NOL7: variants seen among roughly 807,000 people sequenced by gnomAD.
The protein encoded by NOL7 is nucleolar protein 7.
A neutral mutation model predicts 38.4 loss-of-function variants in NOL7; 36 were observed. The ratio of observed to expected loss-of-function variants is 0.94; its 90% CI spans 0.72 to 1.24. The LOEUF is 1.24. Ranked by LOEUF, NOL7 falls within the 50% of genes most tolerant of loss-of-function variation. The pLI is 0.00. For missense variants in NOL7, 350 were observed against 315.1 expected, an observed-to-expected ratio of 1.11 and a Z score of -0.84; for synonymous variants, 142 against 126.5, an observed-to-expected ratio of 1.12 and a Z score of -0.82.
At position 13,620,219 on chromosome 6, in the gene NOL7, G is replaced by T. The variant is rs750837924; in HGVS notation, c.512G>T (p.Ser171Ile). ...QKVQSVSQNK[S>I]YLAVRLKDQD... ...ATATTGATCAACAGCCAGAATAAAAGCTACTTGGCCGTAAGGCTAAAAGAC... is the reference window on the plus strand; with the variant it reads ...ATATTGATCAACAGCCAGAATAAAATCTACTTGGCCGTAAGGCTAAAAGAC... Residue 171 changes from serine to isoleucine, a missense_variant, in exon 6 of 8, where the codon AGC (serine) becomes ATC (isoleucine). Ser to Ile is a moderately radical substitution (Grantham distance 142). Coordinates refer to ENST00000451315, the MANE Select transcript of NOL7 (RefSeq NM_016167.5). 4.3e-6 allele frequency: 7 copies of T among 1,611,110 alleles called. No homozygotes were observed. The South Asian group carries it at 6.6e-5, about 15-fold the overall frequency.
intron 4 of NOL7, 107 bp downstream of exon 4, chr6:13,617,908 C>T: frequency 8.5e-7 from 1 of 1,181,446 alleles, no homozygotes; most frequent in Non-Finnish European, 1.3e-6. Flanking sequence ...TGGGCCTGGC[C>T]AAGGTTAGCT....
At chr6:13,625,006 CAG>C (rs570575911), downstream of NOL7, among the ~76,000 whole-genome samples, 619 of 152,308 alleles carry the variant, frequency 4.1e-3, 4 homozygotes, top group African/African-American at 0.013. Context: ...AACCAGGTAA[CAG>C]GGGAGGACCA....
At chr6:13,620,690 TAATTAAAAA>T in intron 7 of NOL7, 55 bp from the exon 8 acceptor site, 4 of 1,128,944 alleles carry the variant, frequency 3.5e-6, no homozygotes, top group African/African-American at 1.6e-5. Context: ...TCATATAGAG[TAATTAAAAA>T]AATTTTGAAT....
rs1764450584 is a variant in NOL7 at position 13,621,682 on chromosome 6, T to G, written c.*855T>G. 6.6e-6 allele frequency: 1 copy of G among 152,636 alleles called. No individual in the cohort carries two copies. The highest frequency in any genetic ancestry group is 6.5e-5 in the Admixed American group (1 of 15,284). 9.5% of individuals were successfully genotyped at this position (152,636 alleles called of 1,614,324 possible). ...ACCACACCGTTGACATGTAATACTGTTATAATACAACAGTTAAACTTGTGA... is the reference window on the plus strand; with the variant it reads ...ACCACACCGTTGACATGTAATACTGGTATAATACAACAGTTAAACTTGTGA... On this transcript the variant is annotated 3_prime_UTR_variant, in exon 8 of 8. Coordinates refer to ENST00000451315, the MANE Select transcript of NOL7 (RefSeq NM_016167.5).
chr6:13,622,547 ACATTT>A (rs1256944828), downstream of NOL7: 29 of 1,487,328 alleles, frequency 1.9e-5, no homozygotes, highest in African/African-American at 2.8e-5. Flanking sequence ...ATTTTAAAAA[ACATTT>A]CAATCAGGAG....
chr6:13,616,551 C>CTATA (rs947162593), intron 3 of NOL7, 30 bp downstream of exon 3: 2 of 1,433,912 alleles, frequency 1.4e-6, no homozygotes, highest in African/African-American at 2.8e-5. Context: ...ATATTACTTG[C>CTATA]TTATATACAC....
Position 13,615,609 on chromosome 6 carries a change from G to C in NOL7, c.251G>C (p.Arg84Pro). The C allele has an allele frequency of 6.3e-7, 1 of 1,594,108 alleles. No homozygotes were observed. Among genetic ancestry groups the C allele is most frequent in the Non-Finnish European group, 8.6e-7 (1 of 1,169,082 alleles). The change falls in exon 1 of 8, where the codon CGG becomes CCG. Residue 84 changes from arginine to proline, a missense_variant. By Grantham distance (103) the Arg-to-Pro change is moderately radical. Transcript: ENST00000451315. ...AEAREEERRVRETVRRDKTLL... is the reference protein window; with the variant it reads ...AEAREEERRVPETVRRDKTLL... ...GCGAGAGAAGAGGAGCGGCGAGTGC[G>C]GGAGACCGTGCGCAGGTTCGGAGCC...
chr6:13,620,693 T>C (rs1404653054), intron 7 of NOL7, 61 bp from the exon 8 acceptor site: 3 of 1,170,788 alleles, frequency 2.6e-6, no homozygotes, highest in Non-Finnish European at 3.6e-6. Context: ...TATAGAGTAA[T>C]TAAAAAAATT....
chr6:13,620,709 T>G (rs886439050), intron 7 of NOL7, 45 bp from the exon 8 acceptor site: 1 of 1,341,182 alleles, frequency 7.5e-7, no homozygotes, highest in Non-Finnish European at 1.0e-6. Flanking sequence ...AAATTTTGAA[T>G]TATGTTTTTC....
chr6:13,617,495 C>G (rs1033768257), intron 3 of NOL7, among the ~76,000 whole-genome samples: 4 of 152,242 alleles, frequency 2.6e-5, no homozygotes, highest in African/African-American at 9.6e-5. Flanking sequence ...AAGTGTTTCA[C>G]TTGAACTCCA....
intron 8 of NOL7, among the ~76,000 whole-genome samples, chr6:13,626,804 C>A (rs1392145051): frequency 6.6e-6 from 1 of 152,194 alleles, no homozygotes; most frequent in Non-Finnish European, 1.5e-5. Flanking sequence ...CCAGATTCCA[C>A]ACCCATTTTC....
intron 8 of NOL7, among the ~76,000 whole-genome samples, chr6:13,631,100 G>GC (rs1297494791): frequency 6.6e-6 from 1 of 152,080 alleles, no homozygotes; most frequent in Non-Finnish European, 1.5e-5. Flanking sequence ...GAGCCACCGC[G>GC]CCCGGCCTGA....
downstream of NOL7, among the ~76,000 whole-genome samples, chr6:13,625,448 C>T (rs377279017): frequency 9.2e-5 from 14 of 152,224 alleles, no homozygotes; most frequent in South Asian, 1.9e-3. Context: ...AAGTTGTACC[C>T]CATCTTACTG....
rs566887994 is a variant in NOL7, at chr6:13,621,482, C to T, written c.*655C>T. 6.6e-6 allele frequency: 1 copy of T among 152,540 alleles called. No homozygotes were observed. The highest frequency in any genetic ancestry group is 1.5e-5 in the Non-Finnish European group (1 of 68,020). The allele number at this position is 152,540 out of a possible 1,614,324, so 9.4% of individuals were successfully genotyped here. On this transcript the variant is annotated 3_prime_UTR_variant, in exon 8 of 8. Transcript: ENST00000451315. ...AGTATGCAAGTACCTAATATATAAA[C>T]TCAATTGACACTGTATCTGTAGAAG... is the stretch of plus-strand genomic sequence containing the variant.
downstream of NOL7, chr6:13,622,098 A>G (rs778883743): frequency 3.8e-5 from 9 of 234,844 alleles, no homozygotes; most frequent in Non-Finnish European, 6.4e-5. Context: ...GTTTTAAAGG[A>G]TTTGTGATGA....
Position 13,615,773 on chromosome 6 carries a change from GT to G in NOL7, c.327+3del, listed in dbSNP as rs1185841547. 2.5e-6 allele frequency: 4 copies of G among 1,611,906 alleles called. No homozygotes were observed. Among genetic ancestry groups the G allele is most frequent in the Non-Finnish European group, 3.4e-6 (4 of 1,179,246 alleles). ...CGAGGAGCTGTTCATCGAACAGAAG[GT>G]TAGAGGCTAGGGAGGAGGTGTCTTA... is the stretch of plus-strand genomic sequence containing the variant. On this transcript the variant is annotated splice_donor_variant, in intron 2 of 7. Coordinates refer to ENST00000451315, the MANE Select transcript of NOL7 (RefSeq NM_016167.5). LOFTEE classifies it high-confidence loss of function.
chr6:13,618,494 G>A (rs959019036), intron 5 of NOL7, among the ~76,000 whole-genome samples: 5 of 152,040 alleles, frequency 3.3e-5, no homozygotes, highest in African/African-American at 7.2e-5. Context: ...TGATCCACCC[G>A]CCTCGGCCTC....
rs1764255156 is a variant in NOL7, at chr6:13,615,598, G to T, written c.240G>T (p.Glu80Asp). The change falls in exon 1 of 8, where the codon GAG becomes GAT. Residue 80 changes from glutamate (E) to aspartate (D), a missense_variant. Coordinates refer to ENST00000451315, the MANE Select transcript of NOL7 (RefSeq NM_016167.5). Reference sequence around the variant, plus strand: ...CCCAGGCGGAAGCGAGAGAAGAGGAGCGGCGAGTGCGGGAGACCGTGCGCA... The same window carrying T: ...CCCAGGCGGAAGCGAGAGAAGAGGATCGGCGAGTGCGGGAGACCGTGCGCA... ...ASAQAEAREE[E>D]RRVRETVRRD... The T allele has an allele frequency of 1.9e-6, 3 of 1,586,256 alleles. No homozygotes were observed. Among genetic ancestry groups the T allele is most frequent in the South Asian group, 1.1e-5 (1 of 88,508 alleles).
chr6:13,616,616 T>A, intron 3 of NOL7, 95 bp downstream of exon 3: 1 of 823,644 alleles, frequency 1.2e-6, no homozygotes, highest in Non-Finnish European at 1.9e-6. Flanking sequence ...ACTGAAGGAA[T>A]TGTAGAACCC....
Sources: allele counts gnomAD v4.1 joint callset (sites outside exome capture counted in the v4.1 genomes callset), GRCh38; gene constraint gnomAD v4.1.1; transcripts MANE v1.5; gene names NCBI Gene and HGNC (gene_info 2026-07-23, HGNC 2026-07-21).